The following RHCE variants were observed in gnomAD, a reference collection of about 807,000 sequenced individuals.
RHCE encodes the protein Rh blood group CcEe antigens, also known as blood group Rh(CE) polypeptide.
In RHCE, 22 loss-of-function variants were observed where a neutral mutation model predicts 43.8. The ratio of observed to expected loss-of-function variants is 0.50; its 90% confidence interval spans 0.36 to 0.72. RHCE has a LOEUF of 0.72. Ranked by LOEUF, RHCE falls within the 30% of genes least tolerant of loss-of-function variation. The pLI is 0.00. For missense variants in RHCE, 385 were observed against 525.4 expected (o/e 0.73, Z 2.61); for synonymous variants, 156 against 210.7 (o/e 0.74, Z 2.25).
chr1:25,375,644 CTTAT>C, intron 7 of RHCE, among the ~76,000 whole-genome samples: 1 of 147,578 alleles, frequency 6.8e-6, no homozygotes, highest in Non-Finnish European at 1.5e-5. Context: ...AAGATTGTGG[CTTAT>C]TTTAGTTCCC....
intron 1 of RHCE, among the ~76,000 whole-genome samples, chr1:25,410,515 T>A (rs1044613252): frequency 6.6e-6 from 1 of 152,044 alleles, no homozygotes; most frequent in Non-Finnish European, 1.5e-5. Context: ...CTGCAACCTC[T>A]GCCTCCCGGG....
intron 3 of RHCE, among the ~76,000 whole-genome samples, chr1:25,399,602 A>AT (rs1440757677): frequency 6.6e-6 from 1 of 152,232 alleles, no homozygotes; most frequent in Non-Finnish European, 1.5e-5. Context: ...TAATTCATGA[A>AT]TAAAAACTTT....
At chr1:25,416,461 C>T (rs1174454102) in intron 1 of RHCE, among the ~76,000 whole-genome samples, 1 of 152,058 alleles carries the variant, frequency 6.6e-6, no homozygotes, top group African/African-American at 2.4e-5. Flanking sequence ...GATGGGGTTT[C>T]ATCATGTTAG....
At chr1:25,400,247 C>G (rs957493844) in intron 3 of RHCE, among the ~76,000 whole-genome samples, 10 of 152,232 alleles carry the variant, frequency 6.6e-5, no homozygotes. Context: ...TCATCTCCTG[C>G]TCTTGAATCA....
intron 3 of RHCE, among the ~76,000 whole-genome samples, chr1:25,401,029 T>A (rs562765442): frequency 1.2e-4 from 18 of 152,304 alleles, no homozygotes; most frequent in Admixed American, 2.6e-4. Flanking sequence ...CTCTTGCCCC[T>A]TCAGTCTTTT....
chr1:25,411,191 C>A, intron 1 of RHCE: 1 of 796,758 alleles, frequency 1.3e-6, no homozygotes, highest in Non-Finnish European at 1.8e-6. Context: ...TCCTTATCAA[C>A]AGAATAAGGG....
intron 1 of RHCE, among the ~76,000 whole-genome samples, chr1:25,413,829 T>C (rs534273346): frequency 7.2e-5 from 11 of 152,126 alleles, no homozygotes; most frequent in African/African-American, 2.2e-4. Context: ...TAGTAAATGG[T>C]AGCAGGAGGA....
intron 1 of RHCE, among the ~76,000 whole-genome samples, chr1:25,413,508 G>A (rs1271103702): frequency 3.9e-5 from 6 of 152,244 alleles, no homozygotes; most frequent in African/African-American, 4.8e-5. Flanking sequence ...CTACCCGGGC[G>A]CCCATGCCTG....
At chr1:25,387,716 A>ATTTAT (rs1231662147) in intron 6 of RHCE, among the ~76,000 whole-genome samples, 2 of 151,890 alleles carry the variant, frequency 1.3e-5, no homozygotes, top group Non-Finnish European at 2.9e-5. Flanking sequence ...GTTTTTCCTT[A>ATTTAT]TTTATTTTAT....
At position 25,370,645 on chromosome 1, in the gene RHCE, A is replaced by G. The variant is rs533577672; in HGVS notation, c.1154-105T>C. The G allele has an allele frequency of 7.0e-6, 7 of 1,003,280 alleles. No homozygotes were observed. In the East Asian group the frequency reaches 1.8e-4, roughly 25 times the overall value. The allele number at this position is 1,003,280 out of a possible 1,614,324, so 62.1% of individuals were successfully genotyped here. On this transcript the variant is annotated intron_variant, in intron 8 of 9. Transcript: ENST00000294413. Reference sequence around the variant, plus strand: ...TGTCAAAACGACAGTGTCTCAACAGAAATCCTTTTTCTCCCACAATTGAAA... The same window carrying G: ...TGTCAAAACGACAGTGTCTCAACAGGAATCCTTTTTCTCCCACAATTGAAA...
chr1:25,370,250 G>A (rs533558752), intron 9 of RHCE, among the ~76,000 whole-genome samples: 2 of 151,552 alleles, frequency 1.3e-5, no homozygotes, highest in African/African-American at 2.4e-5. Flanking sequence ...ATGAATTTGA[G>A]GTATCAGGGA....
At chr1:25,419,262 T>C (rs902663634) in intron 1 of RHCE, among the ~76,000 whole-genome samples, 8 of 152,222 alleles carry the variant, frequency 5.3e-5, no homozygotes, top group Admixed American at 6.5e-5. Flanking sequence ...GGATCCCACA[T>C]TGGATGTCAT....
At chr1:25,404,653 C>T (rs996639232) in intron 2 of RHCE, among the ~76,000 whole-genome samples, 3 of 150,460 alleles carry the variant, frequency 2.0e-5, no homozygotes, top group African/African-American at 2.5e-5. Flanking sequence ...TGGTTAGGAG[C>T]GTGCTCTCAG....
intron 1 of RHCE, 129 bp downstream of exon 1, chr1:25,420,507 GGAA>G (rs1459481530): frequency 1.5e-5 from 23 of 1,571,716 alleles, no homozygotes; most frequent in Middle Eastern, 3.4e-4. Context: ...TGCAATCTAC[GGAA>G]GAAGATGGGG....
chr1:25,415,205 C>T (rs1325715981), intron 1 of RHCE, among the ~76,000 whole-genome samples: 2 of 152,144 alleles, frequency 1.3e-5, no homozygotes, highest in Non-Finnish European at 2.9e-5. Flanking sequence ...TCCTCCACTG[C>T]CCCTGCCCAT....
chr1:25,379,464 TA>T (rs1645894501), intron 7 of RHCE, among the ~76,000 whole-genome samples: 1 of 10,360 alleles, frequency 9.7e-5, no homozygotes, highest in Non-Finnish European at 2.0e-4. Flanking sequence ...TATATATATA[TA>T]TATATATATA....
chr1:25,368,051 G>A (rs1228364394), intron 9 of RHCE, among the ~76,000 whole-genome samples: 1 of 151,154 alleles, frequency 6.6e-6, no homozygotes, highest in African/African-American at 2.5e-5. Context: ...GGGACCAGGT[G>A]GGTAGGAAGG....
In RHCE at chr1:25,362,403, C is replaced by G; in HGVS notation, c.*124G>C. The stretch of plus-strand genomic sequence containing the variant: ...TTTTTAATATCAAATCTGTCTCTGA[C>G]CTTGTTTCATTATACATAAGGAGAC... On this transcript the variant is annotated 3_prime_UTR_variant, in exon 10 of 10. Transcript: ENST00000294413. The G allele has an allele frequency of 6.2e-7, 1 of 1,610,422 alleles. No individual in the cohort carries two copies. Among genetic ancestry groups the G allele is most frequent in the Non-Finnish European group, 8.5e-7 (1 of 1,177,672 alleles).
chr1:25,393,917 G>A (rs1282408772), intron 3 of RHCE, among the ~76,000 whole-genome samples: 1 of 152,132 alleles, frequency 6.6e-6, no homozygotes, highest in Non-Finnish European at 1.5e-5. Context: ...AGCAATCGGG[G>A]TGCCTTGTCT....
Sources: allele counts gnomAD v4.1 joint callset (sites outside exome capture counted in the v4.1 genomes callset), GRCh38; gene constraint gnomAD v4.1.1; transcripts MANE v1.5; gene names NCBI Gene and HGNC (gene_info 2026-07-23, HGNC 2026-07-21).